Variants in CPS1 observed in about 807,000 individuals in gnomAD.
CPS1 encodes carbamoyl-phosphate synthase 1.
Under a neutral mutation model 174.6 loss-of-function variants are expected in CPS1, and 109 were observed. The ratio of observed to expected loss-of-function variants is 0.62; its 90% CI spans 0.53 to 0.73. The LOEUF (loss-of-function observed/expected upper bound fraction) is 0.73. Among genes scored for constraint, CPS1 ranks in the 30% least tolerant of loss-of-function variants. The probability of loss-of-function intolerance (pLI) is 0.00; values close to 1 mark genes in which losing one functional copy is unlikely to be tolerated. For missense variants in CPS1, 1,689 were observed against 1,821.9 expected (o/e 0.93, Z 1.33); for synonymous variants, 637 against 632.0 (o/e 1.01, Z -0.12).
At chr2:210,499,070 G>T (rs1443748725) in intron 1 of CPS1, among the ~76,000 whole-genome samples, 1 of 152,042 alleles carries the variant, frequency 6.6e-6, no homozygotes, top group East Asian at 1.9e-4. Flanking sequence ...AGGAATGGTT[G>T]GGTGGCTTGG....
chr2:210,584,711 G>A (rs1460941219), intron 6 of CPS1, among the ~76,000 whole-genome samples: 6 of 151,982 alleles, frequency 3.9e-5, no homozygotes, highest in Admixed American at 1.3e-4. Flanking sequence ...CCCAAGTTTA[G>A]TGTCAATTTG....
chr2:210,553,793 A>G (rs1438499554), upstream of CPS1, among the ~76,000 whole-genome samples: 1 of 152,042 alleles, frequency 6.6e-6, no homozygotes, highest in Non-Finnish European at 1.5e-5. Flanking sequence ...ACCAACTCTT[A>G]TAGCCTCAAC....
At chr2:210,653,056 G>A (rs573406667) in intron 28 of CPS1, among the ~76,000 whole-genome samples, 1 of 152,306 alleles carries the variant, frequency 6.6e-6, no homozygotes, top group African/African-American at 2.4e-5. Context: ...TGTGTTCAGA[G>A]GCAAAAGGGA....
intron 34 of CPS1, 59 bp downstream of exon 34, chr2:210,668,343 A>C: frequency 1.7e-6 from 2 of 1,179,126 alleles, no homozygotes. Flanking sequence ...GGGGAGGGGC[A>C]GGATAGAATG....
At chr2:210,670,664 A>C (rs1352994690) in intron 34 of CPS1, among the ~76,000 whole-genome samples, 1 of 152,182 alleles carries the variant, frequency 6.6e-6, no homozygotes, top group Non-Finnish European at 1.5e-5. Flanking sequence ...GGTTAGGGAT[A>C]GTAAATCCAA....
chr2:210,647,746 T>A, intron 25 of CPS1, 117 bp from the exon 26 acceptor site: 3 of 1,282,208 alleles, frequency 2.3e-6, no homozygotes, highest in Non-Finnish European at 2.2e-6. Flanking sequence ...GTAGGAGAGA[T>A]GTAAATATCA....
At chr2:210,629,394 A>G (rs932043671) in intron 21 of CPS1, among the ~76,000 whole-genome samples, 2 of 151,742 alleles carry the variant, frequency 1.3e-5, no homozygotes, top group African/African-American at 2.4e-5. Flanking sequence ...GGCTCACTGC[A>G]AGGTCCGCCT....
At chr2:210,613,796 AG>A (rs1214815087) in intron 20 of CPS1, among the ~76,000 whole-genome samples, 1 of 151,926 alleles carries the variant, frequency 6.6e-6, no homozygotes, top group East Asian at 1.9e-4. Context: ...TTTCTTTCAC[AG>A]GGTACCCTAT....
At chr2:210,598,805 T>C (rs1238245133) in intron 13 of CPS1, among the ~76,000 whole-genome samples, 4 of 151,764 alleles carry the variant, frequency 2.6e-5, no homozygotes. Flanking sequence ...AACAAATCAT[T>C]GAGGCAGAAA....
intron 21 of CPS1, among the ~76,000 whole-genome samples, chr2:210,627,183 T>G (rs181211619): frequency 3.1e-4 from 47 of 152,194 alleles, no homozygotes; most frequent in African/African-American, 1.1e-3. Flanking sequence ...CCAAAACTCT[T>G]GGGGGAAAAC....
At chr2:210,660,279 A>G (rs1385590357) in intron 31 of CPS1, among the ~76,000 whole-genome samples, 1 of 152,142 alleles carries the variant, frequency 6.6e-6, no homozygotes, top group Non-Finnish European at 1.5e-5. Flanking sequence ...AATTTGGAAA[A>G]AGGCATGAAA....
intron 33 of CPS1, among the ~76,000 whole-genome samples, chr2:210,664,393 G>T (rs962307133): frequency 2.6e-5 from 4 of 151,726 alleles, no homozygotes; most frequent in African/African-American, 9.7e-5. Flanking sequence ...AGGCTGGAGT[G>T]CAACGGCATG....
intron 1 of CPS1, among the ~76,000 whole-genome samples, chr2:210,533,552 G>A (rs1461481420): frequency 6.6e-6 from 1 of 152,128 alleles, no homozygotes; most frequent in East Asian, 1.9e-4. Context: ...AGGCTCTCGA[G>A]TCTGTGTTCT....
At chr2:210,503,288 G>A (rs1038941812) in intron 1 of CPS1, among the ~76,000 whole-genome samples, 3 of 152,184 alleles carry the variant, frequency 2.0e-5, no homozygotes, top group African/African-American at 7.2e-5. Context: ...AGCTTAAGAA[G>A]CTTCGTGGGG....
chr2:210,598,719 T>A (rs1698594376), intron 13 of CPS1, among the ~76,000 whole-genome samples: 1 of 151,782 alleles, frequency 6.6e-6, no homozygotes, highest in Non-Finnish European at 1.5e-5. Flanking sequence ...TAAAGCAAGT[T>A]CTTAGAGACC....
At chr2:210,668,416 A>G in intron 34 of CPS1, 132 bp downstream of exon 34, 1 of 740,432 alleles carries the variant, frequency 1.4e-6, no homozygotes, top group South Asian at 1.4e-5. Flanking sequence ...ACTTCCAGGA[A>G]GAAGGGACAT....
rs2287596 is a variant in CPS1, at chr2:210,667,979, C to T, written c.4003-207C>T. 0.26 allele frequency among the ~76,000 whole-genome samples: 39,593 copies of T among 151,906 alleles called. 6,326 individuals are homozygous for T. The highest frequency in any genetic ancestry group is 0.42 in the East Asian group (2,178 of 5,160). Reference sequence around the variant, plus strand: ...ATAAGATACATCTGCCCTGGCCAGCCTTTTAATCCCTGGATTCAGATTGCA... The same window carrying T: ...ATAAGATACATCTGCCCTGGCCAGCTTTTTAATCCCTGGATTCAGATTGCA... On this transcript the variant is annotated intron_variant, in intron 33 of 37. Transcript: ENST00000233072.
intron 4 of CPS1, among the ~76,000 whole-genome samples, chr2:210,579,450 A>G (rs1041000952): frequency 1.3e-5 from 2 of 152,242 alleles, no homozygotes; most frequent in African/African-American, 4.8e-5. Flanking sequence ...GTTAAAAGCA[A>G]TAGAAGTGTA....
chr2:210,486,091 T>TAC (rs1217225722), intron 1 of CPS1, among the ~76,000 whole-genome samples: 1 of 132,940 alleles, frequency 7.5e-6, no homozygotes, highest in South Asian at 2.4e-4. Context: ...TGTATATATA[T>TAC]ACATATATAT....
Sources: gnomAD v4.1 joint callset for allele counts (sites outside exome capture counted in the v4.1 genomes callset) on GRCh38, gnomAD v4.1.1 for gene constraint, MANE v1.5 for transcripts, NCBI Gene and HGNC (gene_info 2026-07-23, HGNC 2026-07-21) for gene names.